Variants in RYR2 observed in about 807,000 individuals in gnomAD.
RYR2 encodes cardiac muscle ryanodine receptor-calcium release channel.
A neutral mutation model predicts 601.1 loss-of-function variants in RYR2; 227 were observed. That is an observed-to-expected ratio of 0.38 (90% CI 0.34 to 0.42). The LOEUF (loss-of-function observed/expected upper bound fraction) is 0.42. RYR2 is among the 10% of genes least tolerant of loss of function. The pLI, the probability that RYR2 is intolerant of heterozygous loss-of-function variation, is 1.00. For synonymous variants in RYR2, 2,223 were observed against 2,175.1 expected, an observed-to-expected ratio of 1.02 and a Z score of -0.61; for missense variants, 4,646 against 6,156.5, an observed-to-expected ratio of 0.75 and a Z score of 8.21.
chr1:237,258,837 C>CAGG (rs1688245511), intron 1 of RYR2, among the ~76,000 whole-genome samples: 1 of 152,118 alleles, frequency 6.6e-6, no homozygotes, highest in Non-Finnish European at 1.5e-5. Flanking sequence ...GATGGATTTC[C>CAGG]TGATTTAGTG....
intron 1 of RYR2, among the ~76,000 whole-genome samples, chr1:237,116,989 A>T (rs1670155174): frequency 6.6e-6 from 1 of 152,192 alleles, no homozygotes; most frequent in Non-Finnish European, 1.5e-5. Flanking sequence ...GGTCCAGTCA[A>T]GTTGACATGT....
Position 237,831,545 on chromosome 1 carries a change from G to C in RYR2, c.14788G>C (p.Glu4930Gln). The change falls in exon 104 of 105, where the codon GAA (glutamate) becomes CAA (glutamine). Residue 4930 changes from glutamate to glutamine, a missense_variant. Physicochemically the swap from Glu to Gln is conservative, Grantham distance 29. This residue lies in a region of RYR2 where 55 missense variants were observed against 204.7 expected (regional missense o/e 0.27). Transcript: ENST00000366574. The part of the protein sequence containing the change: ...FFLMYLINKD[E>Q]TEHTGQESYV... ...TCTGATGTATCTTATAAACAAAGAT[G>C]AAACAGAACACACAGGACAGGTAGG... 6.4e-7 allele frequency: 1 copy of C among 1,572,320 alleles called. No homozygotes were observed. The highest frequency in any genetic ancestry group is 8.7e-7 in the Non-Finnish European group (1 of 1,145,528).
chr1:237,704,523 A>T (rs1156592053), intron 66 of RYR2, among the ~76,000 whole-genome samples: 6 of 152,044 alleles, frequency 3.9e-5, no homozygotes, highest in South Asian at 4.1e-4. Flanking sequence ...TAGTATTTTT[A>T]AAAATATTTT....
At chr1:237,633,545 C>T in intron 42 of RYR2, 33 bp from the exon 43 acceptor site, 1 of 1,612,984 alleles carries the variant, frequency 6.2e-7, no homozygotes, top group Non-Finnish European at 8.5e-7. Context: ...AGGTCGTTTG[C>T]TTTCAGCAGC....
intron 10 of RYR2, among the ~76,000 whole-genome samples, chr1:237,395,685 T>G (rs1232389298): frequency 6.6e-6 from 1 of 151,888 alleles, no homozygotes; most frequent in African/African-American, 2.4e-5. Flanking sequence ...TAGCTGGGAC[T>G]ACAGGCACCC....
At chr1:237,713,474 G>A (rs1689006475) in intron 71 of RYR2, among the ~76,000 whole-genome samples, 1 of 152,056 alleles carries the variant, frequency 6.6e-6, no homozygotes, top group Non-Finnish European at 1.5e-5. Flanking sequence ...TCGGCTCACT[G>A]CAACCTCTGC....
At chr1:237,212,291 G>C (rs951006973) in intron 1 of RYR2, among the ~76,000 whole-genome samples, 3 of 152,068 alleles carry the variant, frequency 2.0e-5, no homozygotes, top group Non-Finnish European at 4.4e-5. Flanking sequence ...CTGGATATTA[G>C]CAAATCCAGT....
At chr1:237,130,683 G>A (rs899256195) in intron 1 of RYR2, among the ~76,000 whole-genome samples, 1 of 144,640 alleles carries the variant, frequency 6.9e-6, no homozygotes, top group African/African-American at 2.5e-5. Flanking sequence ...GTGACAGAGC[G>A]AGACTCTGTC....
intron 1 of RYR2, 121 bp from the exon 2 acceptor site, chr1:237,270,376 G>A (rs559280898): frequency 3.6e-6 from 5 of 1,398,416 alleles, no homozygotes; most frequent in South Asian, 1.2e-5. Flanking sequence ...TTTGACAGTA[G>A]TTTTTACATT....
chr1:237,780,084 G>A (rs979736087), intron 88 of RYR2, among the ~76,000 whole-genome samples: 2 of 152,110 alleles, frequency 1.3e-5, no homozygotes, highest in African/African-American at 4.8e-5. Context: ...TTAGTGGAGG[G>A]CTGGGATCAT....
chr1:237,485,460 G>T (rs1292626550), intron 17 of RYR2, among the ~76,000 whole-genome samples: 1 of 152,190 alleles, frequency 6.6e-6, no homozygotes, highest in Non-Finnish European at 1.5e-5. Context: ...TTAAAAATGT[G>T]AATGTGCTTG....
At chr1:237,561,303 A>G (rs1671432353) in intron 27 of RYR2, among the ~76,000 whole-genome samples, 2 of 152,218 alleles carry the variant, frequency 1.3e-5, no homozygotes, top group African/African-American at 4.8e-5. Context: ...ACTATGTGCC[A>G]GGATATAACA....
At position 237,566,783 on chromosome 1, in the gene RYR2, G is replaced by A. The variant is rs759584406; in HGVS notation, c.3423+8G>A. ...GCCTTTGATGGCTTCAAGGTGAGTGGACTTTGTCCTGTGCCAGTCATCTGT... is the reference window on the plus strand; with the variant it reads ...GCCTTTGATGGCTTCAAGGTGAGTGAACTTTGTCCTGTGCCAGTCATCTGT... On this transcript the variant is annotated splice_region_variant and intron_variant, in intron 28 of 104. Coordinates refer to ENST00000366574, the MANE Select transcript of RYR2 (RefSeq NM_001035.3). 1 of 1,613,836 alleles carries A rather than the reference G, an allele frequency of 6.2e-7. No individual in the cohort carries two copies. The highest frequency in any genetic ancestry group is 8.5e-7 in the Non-Finnish European group (1 of 1,179,798).
chr1:237,540,059 A>G (rs971207801), intron 25 of RYR2, among the ~76,000 whole-genome samples: 16 of 152,092 alleles, frequency 1.1e-4, no homozygotes, highest in Admixed American at 5.9e-4. Context: ...CAAAACAAAC[A>G]AGCAAACAGT....
Position 237,589,789 on chromosome 1 carries a change from C to G in RYR2, c.3599-4C>G. 6.2e-7 allele frequency: 1 copy of G among 1,610,298 alleles called. No homozygotes were observed. The highest frequency in any genetic ancestry group is 8.5e-7 in the Non-Finnish European group (1 of 1,178,732). On this transcript the variant is annotated splice_region_variant and splice_polypyrimidine_tract_variant and intron_variant, in intron 29 of 104. Transcript: ENST00000366574. ...CTAAAACTTGATTTTTTTTTTCTTC[C>G]CAGGATTCATACCTGTGTGTAGCCT...
chr1:237,282,969 T>C (rs1458255072), intron 2 of RYR2, among the ~76,000 whole-genome samples: 1 of 152,150 alleles, frequency 6.6e-6, no homozygotes, highest in East Asian at 1.9e-4. Context: ...TTTCTAACAG[T>C]GGATTGCATT....
rs1573952064 is a variant in RYR2 at position 237,788,027 on chromosome 1, C to T, written c.13368C>T (p.Asp4456=). ...AAAAAGAAGAGAAAGCCAAGGAAGA[C>T]AAGGGCAAACAAAAGTTGAGGCAGC... ...DGEKEEKAKE[D]KGKQKLRQLH... is the part of the protein sequence containing the mutation. Residue 4456 remains aspartate (D), a synonymous_variant, in exon 92 of 105, where the codon GAC becomes GAT. Coordinates refer to ENST00000366574, the MANE Select transcript of RYR2 (RefSeq NM_001035.3). 6.2e-7 allele frequency: 1 copy of T among 1,606,230 alleles called. No homozygotes were observed. Among genetic ancestry groups the T allele is most frequent in the Non-Finnish European group, 8.5e-7 (1 of 1,175,822 alleles).
At chr1:237,167,517 A>G (rs900845996) in intron 1 of RYR2, among the ~76,000 whole-genome samples, 2 of 152,140 alleles carry the variant, frequency 1.3e-5, no homozygotes, top group African/African-American at 4.8e-5. Context: ...ATATAATAGC[A>G]TGATCATTCT....
chr1:237,394,991 C>A (rs900507358), intron 10 of RYR2, among the ~76,000 whole-genome samples: 23 of 152,280 alleles, frequency 1.5e-4, no homozygotes, highest in African/African-American at 4.8e-4. Context: ...ACAGTTTTAA[C>A]AACCAGATCT....
Sources: allele counts gnomAD v4.1 joint callset (sites outside exome capture counted in the v4.1 genomes callset), GRCh38; gene constraint gnomAD v4.1.1; regional missense constraint gnomAD v4.1.1; transcripts MANE v1.5; gene names NCBI Gene and HGNC (gene_info 2026-07-23, HGNC 2026-07-21).